Variants in SLC24A2 observed in about 807,000 individuals in gnomAD.
SLC24A2 encodes the protein sodium/potassium/calcium exchanger 2.
In SLC24A2, 36 loss-of-function variants were observed where a neutral mutation model predicts 62.0. The observed-to-expected ratio is 0.58, with a 90% CI of 0.44 to 0.77. SLC24A2 has a LOEUF of 0.77. Among genes scored for constraint, SLC24A2 ranks in the 30% least tolerant of loss-of-function variants. The pLI, the probability that SLC24A2 is intolerant of heterozygous loss-of-function variation, is 0.00. For synonymous variants in SLC24A2, 358 were observed against 294.0 expected, an observed-to-expected ratio of 1.22 and a Z score of -2.23; for missense variants, 846 against 817.9, an observed-to-expected ratio of 1.03 and a Z score of -0.42.
the SLC24A2 span, among the ~76,000 whole-genome samples, chr9:20,249,247 T>C: frequency 3.9e-5 from 6 of 152,224 alleles, no homozygotes; most frequent in Admixed American, 2.6e-4. Context: ...GCCTGGCATA[T>C]TGTGAGTGCT....
At chr9:20,191,030 A>C in the SLC24A2 span, among the ~76,000 whole-genome samples, 2 of 152,154 alleles carry the variant, frequency 1.3e-5, no homozygotes, top group African/African-American at 4.8e-5. Flanking sequence ...CGTCTCTAAA[A>C]CTTCAATATT....
At chr9:19,986,445 CT>C in the SLC24A2 span, among the ~76,000 whole-genome samples, 1 of 152,028 alleles carries the variant, frequency 6.6e-6, no homozygotes, top group African/African-American at 2.4e-5. Flanking sequence ...GTATGTAATC[CT>C]AAAAGAACTG....
chr9:20,084,942 A>G, the SLC24A2 span, among the ~76,000 whole-genome samples: 1 of 152,134 alleles, frequency 6.6e-6, no homozygotes, highest in South Asian at 2.1e-4. Flanking sequence ...TGCTTCTGTT[A>G]TTACATCTGT....
chr9:20,286,172 G>A, the SLC24A2 span, among the ~76,000 whole-genome samples: 1 of 152,200 alleles, frequency 6.6e-6, no homozygotes, highest in Non-Finnish European at 1.5e-5. Context: ...GTCCAGAGGT[G>A]GGTGCGCATA....
At chr9:20,285,918 C>T in the SLC24A2 span, among the ~76,000 whole-genome samples, 1 of 152,126 alleles carries the variant, frequency 6.6e-6, no homozygotes, top group Non-Finnish European at 1.5e-5. Context: ...CAGGAGAAAC[C>T]AAACCTGCCA....
the SLC24A2 span, among the ~76,000 whole-genome samples, chr9:19,936,703 T>C: frequency 6.6e-6 from 1 of 152,134 alleles, no homozygotes; most frequent in Non-Finnish European, 1.5e-5. Flanking sequence ...ATAATGCAAA[T>C]ATAAAACATT....
chr9:19,712,754 T>A (rs1350462058), intron 2 of SLC24A2, among the ~76,000 whole-genome samples: 1 of 152,184 alleles, frequency 6.6e-6, no homozygotes, highest in Non-Finnish European at 1.5e-5. Flanking sequence ...TTTCTCTGGA[T>A]CAGGGTTTCT....
chr9:20,122,825 T>C, the SLC24A2 span, among the ~76,000 whole-genome samples: 1 of 152,188 alleles, frequency 6.6e-6, no homozygotes, highest in Non-Finnish European at 1.5e-5. Context: ...CGCACATATT[T>C]TTAGTGTTGC....
rs2021973 is a variant in SLC24A2, at chr9:19,716,232, C to A, written c.930+69705G>T. 1.8e-3 allele frequency among the ~76,000 whole-genome samples: 272 copies of A among 152,306 alleles called. 4 individuals carry two copies. The highest frequency in any genetic ancestry group is 0.015 in the Admixed American group (234 of 15,298). On this transcript the variant is annotated intron_variant, in intron 2 of 10. Transcript: ENST00000341998. ...AGATACCATGTGCAACACGCTCACC[C>A]CTATTTAACTGCACCTGTTCACAGT...
chr9:19,621,115 T>C (rs1817898241), intron 3 of SLC24A2, among the ~76,000 whole-genome samples: 1 of 152,246 alleles, frequency 6.6e-6, no homozygotes, highest in Admixed American at 6.5e-5. Context: ...CAAACTATTA[T>C]CCATAGGATC....
the SLC24A2 span, among the ~76,000 whole-genome samples, chr9:19,969,855 G>A: frequency 6.6e-6 from 1 of 152,198 alleles, no homozygotes; most frequent in Admixed American, 6.5e-5. Context: ...CATAACAAAA[G>A]GGATGAAGAC....
the SLC24A2 span, among the ~76,000 whole-genome samples, chr9:20,260,631 A>T: frequency 6.6e-6 from 1 of 151,814 alleles, no homozygotes; most frequent in Non-Finnish European, 1.5e-5. Context: ...CCTTTTTTCC[A>T]TCTCCATTGC....
chr9:20,268,734 G>A, the SLC24A2 span, among the ~76,000 whole-genome samples: 1 of 152,188 alleles, frequency 6.6e-6, no homozygotes, highest in Non-Finnish European at 1.5e-5. Flanking sequence ...CTTCAGGCTT[G>A]CCTCTCATGT....
the SLC24A2 span, among the ~76,000 whole-genome samples, chr9:19,841,419 A>G: frequency 6.6e-6 from 1 of 152,294 alleles, no homozygotes; most frequent in East Asian, 1.9e-4. Flanking sequence ...AAAGAAGAGC[A>G]AGGTGAAACC....
At chr9:19,894,307 G>A in the SLC24A2 span, among the ~76,000 whole-genome samples, 4 of 152,152 alleles carry the variant, frequency 2.6e-5, no homozygotes, top group Non-Finnish European at 4.4e-5. Context: ...TGGCCTGAGG[G>A]CCTCTGAAAG....
the SLC24A2 span, among the ~76,000 whole-genome samples, chr9:20,020,238 T>G: frequency 3.3e-5 from 5 of 152,198 alleles, no homozygotes. Context: ...CCCAAAGGAT[T>G]ATAAATCATT....
chr9:19,657,887 C>T (rs2118215028), intron 2 of SLC24A2, among the ~76,000 whole-genome samples: 1 of 152,162 alleles, frequency 6.6e-6, no homozygotes, highest in African/African-American at 2.4e-5. Context: ...ACCACCACAC[C>T]CAGCTAATTA....
the SLC24A2 span, among the ~76,000 whole-genome samples, chr9:20,070,670 T>C: frequency 6.6e-6 from 1 of 152,192 alleles, no homozygotes; most frequent in East Asian, 1.9e-4. Context: ...GATTGTACTT[T>C]ATGCAAGATC....
chr9:20,038,345 T>A, the SLC24A2 span, among the ~76,000 whole-genome samples: 1 of 152,216 alleles, frequency 6.6e-6, no homozygotes, highest in Non-Finnish European at 1.5e-5. Flanking sequence ...CCCTTGTCAT[T>A]GTTTCAACTG....
Sources: gnomAD v4.1 joint callset for allele counts (sites outside exome capture counted in the v4.1 genomes callset) on GRCh38, gnomAD v4.1.1 for gene constraint, MANE v1.5 for transcripts, NCBI Gene and HGNC (gene_info 2026-07-23, HGNC 2026-07-21) for gene names.